IGF1R: variants seen among roughly 807,000 people sequenced by gnomAD.
IGF1R encodes insulin like growth factor 1 receptor.
Under a neutral mutation model 144.6 loss-of-function variants are expected in IGF1R, and 44 were observed. The observed-to-expected ratio is 0.30, with a 90% CI of 0.24 to 0.39. The LOEUF (loss-of-function observed/expected upper bound fraction) is 0.39. Ranked by LOEUF, IGF1R falls within the 10% of genes least tolerant of loss-of-function variation. IGF1R has a pLI of 1.00. For synonymous variants in IGF1R, 795 were observed against 722.8 expected (o/e 1.10, Z -1.60); for missense variants, 1,355 against 1,833.7 (o/e 0.74, Z 4.77).
At chr15:98,775,642 G>A (rs537056382) in intron 2 of IGF1R, among the ~76,000 whole-genome samples, 3 of 152,294 alleles carry the variant, frequency 2.0e-5, no homozygotes, top group South Asian at 2.1e-4. Flanking sequence ...GCAACACCTG[G>A]CTTCTGTGCC....
chr15:98,950,875 A>G (rs2016746320), intron 20 of IGF1R, among the ~76,000 whole-genome samples: 1 of 152,180 alleles, frequency 6.6e-6, no homozygotes, highest in South Asian at 2.1e-4. Flanking sequence ...ATTGTCCCTA[A>G]TCAAACAATC....
intron 2 of IGF1R, among the ~76,000 whole-genome samples, chr15:98,878,692 AAAACAACAAC>A (rs1567174373): frequency 1.1e-4 from 15 of 138,880 alleles, no homozygotes; most frequent in African/African-American, 4.6e-4. Context: ...AAAAAAAAAA[AAAACAACAAC>A]AAAAAAAAGG....
chr15:98,863,546 T>A (rs1370278082), intron 2 of IGF1R, among the ~76,000 whole-genome samples: 1 of 152,210 alleles, frequency 6.6e-6, no homozygotes, highest in Non-Finnish European at 1.5e-5. Flanking sequence ...ATTTTATGTA[T>A]TTTTTAACAG....
chr15:98,811,563 CA>C (rs2056590526), intron 2 of IGF1R, among the ~76,000 whole-genome samples: 1 of 150,116 alleles, frequency 6.7e-6, no homozygotes, highest in Non-Finnish European at 1.5e-5. Flanking sequence ...TCTATGTAAA[CA>C]AAGAAAACTC....
intron 2 of IGF1R, among the ~76,000 whole-genome samples, chr15:98,733,214 G>A (rs1316327689): frequency 1.3e-5 from 2 of 152,098 alleles, no homozygotes; most frequent in Non-Finnish European, 2.9e-5. Context: ...GAAGGGCTCA[G>A]GTTCTTCCTG....
At chr15:98,878,114 A>G (rs899546789) in intron 2 of IGF1R, among the ~76,000 whole-genome samples, 20 of 152,238 alleles carry the variant, frequency 1.3e-4, no homozygotes, top group Non-Finnish European at 2.6e-4. Flanking sequence ...CAACACCAGT[A>G]AGCCATGTAA....
chr15:98,739,317 G>T (rs2054683634), intron 2 of IGF1R, among the ~76,000 whole-genome samples: 1 of 152,122 alleles, frequency 6.6e-6, no homozygotes. Flanking sequence ...ACCTGCTGCT[G>T]TCCCGTCTGT....
chr15:98,664,980 T>C (rs1238055380), intron 1 of IGF1R, among the ~76,000 whole-genome samples: 15 of 141,040 alleles, frequency 1.1e-4, no homozygotes, highest in Non-Finnish European at 2.0e-4. Flanking sequence ...TTTTTTTGGA[T>C]GGAATCTCGC....
At chr15:98,884,285 C>T (rs190970682) in intron 2 of IGF1R, among the ~76,000 whole-genome samples, 74 of 152,292 alleles carry the variant, frequency 4.9e-4, no homozygotes, top group Non-Finnish European at 8.4e-4. Context: ...GTTTCCAGCT[C>T]AGATCACGCC....
At chr15:98,742,919 C>A (rs1439889341) in intron 2 of IGF1R, among the ~76,000 whole-genome samples, 1 of 152,048 alleles carries the variant, frequency 6.6e-6, no homozygotes, top group South Asian at 2.1e-4. Context: ...TGCCTGTAAT[C>A]CCAGCTTCTC....
intron 1 of IGF1R, among the ~76,000 whole-genome samples, chr15:98,675,113 C>T (rs1333911662): frequency 2.6e-5 from 4 of 151,578 alleles, no homozygotes; most frequent in Non-Finnish European, 5.9e-5. Context: ...CTCAGCCTCC[C>T]GAGTATTTGG....
chr15:98,828,043 G>A (rs1444975013), intron 2 of IGF1R, among the ~76,000 whole-genome samples: 2 of 152,170 alleles, frequency 1.3e-5, no homozygotes, highest in Non-Finnish European at 2.9e-5. Context: ...GGGAGGTGGC[G>A]TGATGTGAAA....
intron 2 of IGF1R, among the ~76,000 whole-genome samples, chr15:98,834,843 C>G (rs1256034444): frequency 1.3e-5 from 2 of 152,146 alleles, no homozygotes; most frequent in African/African-American, 2.4e-5. Context: ...AAAACCAAAC[C>G]TCTGCCTTCA....
intron 2 of IGF1R, among the ~76,000 whole-genome samples, chr15:98,799,056 A>G (rs2056307941): frequency 1.3e-5 from 2 of 152,124 alleles, no homozygotes. Context: ...TAGGGAAGGT[A>G]CCACAACTTT....
chr15:98,768,413 G>A (rs2055490858), intron 2 of IGF1R, among the ~76,000 whole-genome samples: 2 of 151,400 alleles, frequency 1.3e-5, no homozygotes, highest in Admixed American at 1.3e-4. Context: ...TCAGGAGATC[G>A]AGACCATCCT....
At chr15:98,943,799 G>C (rs748620729) in intron 19 of IGF1R, among the ~76,000 whole-genome samples, 12 of 152,200 alleles carry the variant, frequency 7.9e-5, no homozygotes, top group Non-Finnish European at 1.5e-4. Flanking sequence ...TCCCGTTGCT[G>C]TTGTGTTACA....
intron 20 of IGF1R, chr15:98,953,014 T>C (rs956916711): frequency 2.6e-5 from 4 of 152,244 alleles, no homozygotes; most frequent in African/African-American, 7.2e-5. Flanking sequence ...ATGGGAGTTC[T>C]GTTGCTACAA....
chr15:98,935,772 C>CAGAGGAGTTAGAG lies in IGF1R; in HGVS notation c.3297+348_3297+349insAGGAGTTAGAGAG, dbSNP rs2016119511. ...TCCCCGAAGCTTTCCTGCCCCACTCCAGTAGCTATCTTCTCTGCTAACTTC... is the reference window on the plus strand; with the variant it reads ...TCCCCGAAGCTTTCCTGCCCCACTCCAGAGGAGTTAGAGAGTAGCTATCTTCTCTGCTAACTTC... On this transcript the variant is annotated intron_variant, in intron 17 of 20. Transcript: ENST00000650285. This position sits in a 1 kb window ranked among gnomAD's most constrained non-coding sequence, Gnocchi z 4.2. Among the ~76,000 whole-genome samples the CAGAGGAGTTAGAG allele has an allele frequency of 6.6e-6, 1 of 152,084 alleles. No homozygotes were observed. Among genetic ancestry groups the CAGAGGAGTTAGAG allele is most frequent in the African/African-American group, 2.4e-5 (1 of 41,400 alleles).
At position 98,961,129 on chromosome 15, in the gene IGF1R, C is replaced by G. The variant is rs376322044; in HGVS notation, c.*3687C>G. ...ACGCGACCCATCTCTCCCAGGACCC[C>G]GGGGATCTTAAGGTCATTGAGAAAT... is the stretch of plus-strand genomic sequence containing the variant. On this transcript the variant is annotated 3_prime_UTR_variant, in exon 21 of 21. Coordinates refer to ENST00000650285, the MANE Select transcript of IGF1R (RefSeq NM_000875.5). 18 of 233,526 alleles carry G rather than the reference C, an allele frequency of 7.7e-5. No individual in the cohort carries two copies. Among genetic ancestry groups the G allele is most frequent in the African/African-American group, 3.7e-4 (17 of 45,440 alleles). The allele number at this position is 233,526 out of a possible 1,614,324, so 14.5% of individuals were successfully genotyped here.
Sources: allele counts gnomAD v4.1 joint callset (sites outside exome capture counted in the v4.1 genomes callset), GRCh38; gene constraint gnomAD v4.1.1; non-coding constraint Gnocchi (gnomAD v3.1); transcripts MANE v1.5; gene names NCBI Gene and HGNC (gene_info 2026-07-23, HGNC 2026-07-21).